ENAH: variants seen among roughly 807,000 people sequenced by gnomAD.
The protein encoded by ENAH is protein enabled homolog.
A neutral mutation model predicts 78.7 loss-of-function variants in ENAH; 23 were observed. That is an observed-to-expected ratio of 0.29 (90% CI 0.21 to 0.41). The LOEUF (loss-of-function observed/expected upper bound fraction) is 0.41, where lower values mean the gene tolerates loss of function less well. ENAH is among the 10% of genes least tolerant of loss of function. The pLI is 1.00. For missense variants in ENAH, 544 were observed against 691.0 expected (o/e 0.79, Z 2.39); for synonymous variants, 226 against 241.0 (o/e 0.94, Z 0.58).
At chr1:225,535,500 T>G in intron 3 of ENAH, 1 of 1,302,366 alleles carries the variant, frequency 7.7e-7, no homozygotes, top group Non-Finnish European at 1.0e-6. Flanking sequence ...AACATAATGT[T>G]GCTTACCACA....
intron 4 of ENAH, among the ~76,000 whole-genome samples, chr1:225,530,041 C>T (rs747986663): frequency 6.6e-5 from 10 of 152,192 alleles, no homozygotes; most frequent in Non-Finnish European, 1.3e-4. Context: ...CAAAGGTTAG[C>T]CTGTCAGCCT....
intron 3 of ENAH, among the ~76,000 whole-genome samples, chr1:225,552,539 A>G (rs1408619388): frequency 6.6e-6 from 1 of 152,238 alleles, no homozygotes; most frequent in Non-Finnish European, 1.5e-5. Context: ...TTATGAAAAC[A>G]GTCATTTTCT....
chr1:225,633,998 A>G (rs1400528803), intron 1 of ENAH, among the ~76,000 whole-genome samples: 2 of 152,242 alleles, frequency 1.3e-5, no homozygotes, highest in African/African-American at 4.8e-5. Context: ...TTTGCAATAA[A>G]TTAACAATGA....
intron 1 of ENAH, among the ~76,000 whole-genome samples, chr1:225,594,915 C>T (rs2096895011): frequency 6.6e-6 from 1 of 152,042 alleles, no homozygotes; most frequent in Non-Finnish European, 1.5e-5. Flanking sequence ...AGAATTAATA[C>T]AATCAAGAAA....
Position 225,490,893 on chromosome 1 carries a change from C to T in ENAH, c.*6882G>A, listed in dbSNP as rs982151493. 2.6e-5 allele frequency: 4 copies of T among 152,202 alleles called. No homozygotes were observed. The highest frequency in any genetic ancestry group is 9.7e-5 in the African/African-American group (4 of 41,434). The allele number at this position is 152,202 out of a possible 1,614,324, so 9.4% of individuals were successfully genotyped here. A position where few individuals can be genotyped will look rare whatever the true frequency, so the allele number is the denominator to read the frequency against. ...TAACTCAAATTCATCACCTCAGACT[C>T]ACTGTGATGCCCAACCACTGGCACT... On this transcript the variant is annotated 3_prime_UTR_variant, in exon 14 of 14. Coordinates refer to ENST00000366843, the MANE Select transcript of ENAH (RefSeq NM_018212.6).
At chr1:225,571,738 G>A (rs562898546) in intron 1 of ENAH, among the ~76,000 whole-genome samples, 4 of 152,252 alleles carry the variant, frequency 2.6e-5, no homozygotes, top group African/African-American at 7.2e-5. Flanking sequence ...TGATTTCATC[G>A]ATCATGCTTA....
rs1389044921 is a variant in ENAH, at chr1:225,491,635, A to G, written c.*6140T>C. 6.6e-6 allele frequency: 1 copy of G among 152,228 alleles called. No individual in the cohort carries two copies. The highest frequency in any genetic ancestry group is 2.4e-5 in the African/African-American group (1 of 41,460). The allele number at this position is 152,228 out of a possible 1,614,324, so 9.4% of individuals were successfully genotyped here. On this transcript the variant is annotated 3_prime_UTR_variant, in exon 14 of 14. Coordinates refer to ENST00000366843, the MANE Select transcript of ENAH (RefSeq NM_018212.6). The stretch of plus-strand genomic sequence containing the variant: ...ACAATGTGTATTTTAAGTGTAAGCC[A>G]AGAACCTTTTCTCTCAGTTTCTATA...
intron 4 of ENAH, among the ~76,000 whole-genome samples, chr1:225,529,987 G>A (rs999123909): frequency 2.6e-5 from 4 of 152,136 alleles, no homozygotes; most frequent in African/African-American, 7.2e-5. Flanking sequence ...GTAGCTCAGC[G>A]TTTGTGCGGT....
In ENAH at chr1:225,649,095, A is replaced by T. The variant is rs12028079; in HGVS notation, c.5+3591T>A. 2.0e-3 allele frequency among the ~76,000 whole-genome samples: 299 copies of T among 152,258 alleles called. 9 individuals are homozygous for T. The East Asian group carries it at 0.05, about 26-fold the overall frequency. On this transcript the variant is annotated intron_variant, in intron 1 of 13. Transcript: ENST00000366843. ...TAAATTTAAGGCTTACCAGTGTATA[A>T]AGTACCTTCTATTATCATTTGATCC...
At chr1:225,537,036 G>A (rs1385723560) in intron 3 of ENAH, among the ~76,000 whole-genome samples, 5 of 151,856 alleles carry the variant, frequency 3.3e-5, no homozygotes, top group South Asian at 4.2e-4. Context: ...TCTTACCGAC[G>A]TTTGCAAATG....
chr1:225,652,691 G>T lies in ENAH; in HGVS notation c.-1C>A. 7.6e-7 allele frequency: 1 copy of T among 1,319,106 alleles called. No individual in the cohort carries two copies. The highest frequency in any genetic ancestry group is 9.6e-7 in the Non-Finnish European group (1 of 1,037,092). 81.7% of individuals were successfully genotyped at this position (1,319,106 alleles called of 1,614,324 possible). A position where few individuals can be genotyped will look rare whatever the true frequency, so the allele number is the denominator to read the frequency against. On this transcript the variant is annotated 5_prime_UTR_variant, in exon 1 of 14. Transcript: ENST00000366843. ...CCGCCCCGCGCGCCCCTCACCTCATGGTGCCGGCGGCGCAGAGGCTTCCCC... is the reference window on the plus strand; with the variant it reads ...CCGCCCCGCGCGCCCCTCACCTCATTGTGCCGGCGGCGCAGAGGCTTCCCC...
At chr1:225,636,575 G>A (rs1194185145) in intron 1 of ENAH, among the ~76,000 whole-genome samples, 1 of 152,138 alleles carries the variant, frequency 6.6e-6, no homozygotes, top group South Asian at 2.1e-4. Flanking sequence ...AGGGTGCAGT[G>A]GCTCACAGCC....
Position 225,494,024 on chromosome 1 carries a change from T to A in ENAH, c.*3751A>T, listed in dbSNP as rs1465801200. 2.6e-5 allele frequency: 3 copies of A among 115,694 alleles called. No individual in the cohort carries two copies. The highest frequency in any genetic ancestry group is 3.4e-5 in the Non-Finnish European group (2 of 58,896). The allele number at this position is 115,694 out of a possible 1,614,324, so 7.2% of individuals were successfully genotyped here. A position where few individuals can be genotyped will look rare whatever the true frequency, so the allele number is the denominator to read the frequency against. On this transcript the variant is annotated 3_prime_UTR_variant, in exon 14 of 14. Coordinates refer to ENST00000366843, the MANE Select transcript of ENAH (RefSeq NM_018212.6). ...TTAATTTGTAGACAAAAATACTGAC[T>A]TACATATGAAGAGAAGCAAGAACAT...
Position 225,492,462 on chromosome 1 carries a change from G to T in ENAH, c.*5313C>A, listed in dbSNP as rs953651496. On this transcript the variant is annotated 3_prime_UTR_variant, in exon 14 of 14. Coordinates refer to ENST00000366843, the MANE Select transcript of ENAH (RefSeq NM_018212.6). ...TTTTTACTCTCAGCCACCAACTGGG[G>T]CCCCTAATTTTCTCCCTCTGCCTAG... 10 of 152,178 alleles carry T rather than the reference G, an allele frequency of 6.6e-5. No individual in the cohort carries two copies. Among genetic ancestry groups the T allele is most frequent in the African/African-American group, 2.4e-4 (10 of 41,426 alleles). 9.4% of individuals were successfully genotyped at this position (152,178 alleles called of 1,614,324 possible).
rs370738156 is a variant in ENAH at position 225,519,215 on chromosome 1, C to T, written c.785G>A (p.Arg262His). 124 of 1,613,972 alleles carry T rather than the reference C, an allele frequency of 7.7e-5. No homozygotes were observed. The highest frequency in any genetic ancestry group is 4.2e-4 in the Admixed American group (25 of 59,998). ...EREQLEWERE[R>H]RISSAAAPAS... ...CTTCTTACCAGCACTTGATATTCTG[C>T]GCTCTCTCTCCCATTCCAGCTGTTC... The change falls in exon 5 of 14, where the codon CGC (arginine) becomes CAC (histidine). Residue 262 changes from arginine (R) to histidine (H), a missense_variant. Physicochemically the swap from Arg to His is conservative, Grantham distance 29. Transcript: ENST00000366843.
intron 1 of ENAH, among the ~76,000 whole-genome samples, chr1:225,571,666 C>T (rs1050733643): frequency 4.6e-5 from 7 of 152,100 alleles, no homozygotes; most frequent in African/African-American, 1.7e-4. Flanking sequence ...CTCATTACTG[C>T]CCCCCGCCAA....
intron 1 of ENAH, among the ~76,000 whole-genome samples, chr1:225,570,548 G>A (rs1330522383): frequency 6.6e-6 from 1 of 151,930 alleles, no homozygotes; most frequent in East Asian, 1.9e-4. Flanking sequence ...TGCTCAACAT[G>A]AAGACAAGGA....
Position 225,519,191 on chromosome 1 carries a change from T to G in ENAH, c.802+7A>C. The G allele has an allele frequency of 6.2e-7, 1 of 1,612,742 alleles. No homozygotes were observed. Among genetic ancestry groups the G allele is most frequent in the Non-Finnish European group, 8.5e-7 (1 of 1,178,946 alleles). On this transcript the variant is annotated splice_region_variant and intron_variant, in intron 5 of 13. Coordinates refer to ENST00000366843, the MANE Select transcript of ENAH (RefSeq NM_018212.6). Reference sequence around the variant, plus strand: ...CAAGAACACAGAAGAGTTTGTAAACTTCTTACCAGCACTTGATATTCTGCG... The same window carrying G: ...CAAGAACACAGAAGAGTTTGTAAACGTCTTACCAGCACTTGATATTCTGCG...
In ENAH at chr1:225,628,906, C is replaced by CAA. The variant is rs35601763; in HGVS notation, c.5+23778_5+23779dup. 1.1e-3 allele frequency among the ~76,000 whole-genome samples: 74 copies of CAA among 68,548 alleles called. 2 individuals carry two copies. Among genetic ancestry groups the CAA allele is most frequent in the African/African-American group, 3.0e-3 (71 of 23,610 alleles). The allele number at this position is 68,548 out of a possible 152,430, so 45.0% of individuals were successfully genotyped here. On this transcript the variant is annotated intron_variant, in intron 1 of 13. Coordinates refer to ENST00000366843, the MANE Select transcript of ENAH (RefSeq NM_018212.6). ...GGGCAACAAGAGCGAAACTCCGTCT[C>CAA]AAAAAAAAAAAAAAAAGATGGTGCA... is the stretch of plus-strand genomic sequence containing the variant.
Sources: allele counts gnomAD v4.1 joint callset (sites outside exome capture counted in the v4.1 genomes callset), GRCh38; gene constraint gnomAD v4.1.1; transcripts MANE v1.5; gene names NCBI Gene and HGNC (gene_info 2026-07-23, HGNC 2026-07-21).